Variants in HDAC4 observed in about 807,000 individuals in gnomAD.
The protein encoded by HDAC4 is histone deacetylase 4.
A neutral mutation model predicts 135.1 loss-of-function variants in HDAC4; 16 were observed. The observed-to-expected ratio is 0.12, with a 90% CI of 0.08 to 0.18. The LOEUF (loss-of-function observed/expected upper bound fraction) is 0.18. Ranked by LOEUF, HDAC4 falls within the 10% of genes least tolerant of loss-of-function variation. The pLI is 1.00. For missense variants in HDAC4, 1,143 were observed against 1,511.8 expected (o/e 0.76, Z 4.05); for synonymous variants, 685 against 653.4 (o/e 1.05, Z -0.74).
At chr2:239,088,695 T>A (rs1477701294) in intron 18 of HDAC4, among the ~76,000 whole-genome samples, 1 of 152,088 alleles carries the variant, frequency 6.6e-6, no homozygotes, top group Non-Finnish European at 1.5e-5. Flanking sequence ...TTTTAGTAGA[T>A]CTCCGCCCTC....
At position 239,262,419 on chromosome 2, in the gene HDAC4, TA is replaced by T. The variant is rs550062496; in HGVS notation, c.23-25756del. On this transcript the variant is annotated intron_variant, in intron 2 of 26. Coordinates refer to ENST00000543185, the MANE Select transcript of HDAC4 (RefSeq NM_001378414.1). This position sits in a 1 kb window ranked among gnomAD's most constrained non-coding sequence, Gnocchi z 4.1. ...TTTAAAAATAATTAGGAGGAAGAGA[TA>T]AAAGAGAAGCTTTTGTGAAAGCAGA... Among the ~76,000 whole-genome samples, 12 of 152,332 alleles carry T rather than the reference TA, an allele frequency of 7.9e-5. No individual in the cohort carries two copies. In the South Asian group the frequency reaches 2.3e-3, roughly 29 times the overall value.
rs4852024 is a variant in HDAC4, at chr2:239,134,089, G to A, written c.1294+156C>T. Among the ~76,000 whole-genome samples, 1,428 of 152,242 alleles carry A rather than the reference G, an allele frequency of 9.4e-3. 77 individuals are homozygous for A. The highest frequency in any genetic ancestry group is 0.076 in the Admixed American group (1,161 of 15,298). Reference sequence around the variant, plus strand: ...AGGCATGGATTTTCACTGCAGTCACGGTGGCTACATCACGTGATGGGGATG... The same window carrying A: ...AGGCATGGATTTTCACTGCAGTCACAGTGGCTACATCACGTGATGGGGATG... On this transcript the variant is annotated intron_variant, in intron 11 of 26. Coordinates refer to ENST00000543185, the MANE Select transcript of HDAC4 (RefSeq NM_001378414.1).
chr2:239,205,276 G>C (rs2045977334), intron 3 of HDAC4, among the ~76,000 whole-genome samples: 1 of 152,192 alleles, frequency 6.6e-6, no homozygotes, highest in Non-Finnish European at 1.5e-5. Flanking sequence ...GCACAACGAT[G>C]CATGAAAAAG....
intron 22 of HDAC4, among the ~76,000 whole-genome samples, chr2:239,073,520 CTG>C (rs1303885253): frequency 6.6e-6 from 1 of 152,272 alleles, no homozygotes. Flanking sequence ...TCTGATAACA[CTG>C]TGCCAAGAGC....
chr2:239,101,408 G>A (rs756096473), intron 16 of HDAC4, among the ~76,000 whole-genome samples: 2 of 152,214 alleles, frequency 1.3e-5, no homozygotes, highest in Admixed American at 6.5e-5. Flanking sequence ...AGGACTAGGA[G>A]TGCAGGTCTC....
At chr2:239,296,874 T>G (rs887922890) in intron 2 of HDAC4, among the ~76,000 whole-genome samples, 4 of 152,036 alleles carry the variant, frequency 2.6e-5, no homozygotes, top group African/African-American at 9.7e-5. Context: ...CTGTCAAAAG[T>G]GGACAGTCCT....
intron 3 of HDAC4, among the ~76,000 whole-genome samples, chr2:239,234,884 A>G (rs2047792439): frequency 6.6e-6 from 1 of 152,156 alleles, no homozygotes; most frequent in African/African-American, 2.4e-5. Flanking sequence ...CAGCCCATCA[A>G]GCTATCAGAA....
At chr2:239,134,722 G>C in intron 9 of HDAC4, 79 bp from the exon 10 acceptor site, 1 of 991,546 alleles carries the variant, frequency 1.0e-6, no homozygotes. Flanking sequence ...AAACAACGAT[G>C]AAAACACCTG....
At chr2:239,324,508 CT>C (rs2053412444) in intron 2 of HDAC4, among the ~76,000 whole-genome samples, 1 of 152,236 alleles carries the variant, frequency 6.6e-6, no homozygotes, top group African/African-American at 2.4e-5. Flanking sequence ...GCCAAAGTGC[CT>C]GCGTGGCATG....
At chr2:239,242,339 TGAACATGG>T (rs2048235856) in intron 2 of HDAC4, among the ~76,000 whole-genome samples, 1 of 152,222 alleles carries the variant, frequency 6.6e-6, no homozygotes, top group African/African-American at 2.4e-5. Flanking sequence ...TTTCAATCCA[TGAACATGG>T]GCTATTACCT....
chr2:239,105,533 C>T (rs75400845), intron 15 of HDAC4, among the ~76,000 whole-genome samples: 19 of 152,328 alleles, frequency 1.2e-4, no homozygotes, highest in East Asian at 9.6e-4. Context: ...CTGCCAGTAT[C>T]GACAGGGTCC....
intron 3 of HDAC4, among the ~76,000 whole-genome samples, chr2:239,206,356 T>C (rs2153085628): frequency 6.6e-6 from 1 of 151,960 alleles, no homozygotes; most frequent in Non-Finnish European, 1.5e-5. Flanking sequence ...TAAATAAATG[T>C]TTTAAAATAC....
chr2:239,273,290 G>GC (rs751938691), intron 2 of HDAC4, among the ~76,000 whole-genome samples: 4 of 152,232 alleles, frequency 2.6e-5, no homozygotes, highest in South Asian at 4.1e-4. Context: ...AGTAACAGCA[G>GC]CAAAGGCCTA....
At chr2:239,254,922 T>G (rs2048973915) in intron 2 of HDAC4, among the ~76,000 whole-genome samples, 1 of 152,206 alleles carries the variant, frequency 6.6e-6, no homozygotes, top group Admixed American at 6.5e-5. Context: ...CTAAGAACAT[T>G]GAATTGAGAG....
At chr2:239,083,323 C>A (rs2035539894) in intron 20 of HDAC4, among the ~76,000 whole-genome samples, 1 of 152,238 alleles carries the variant, frequency 6.6e-6, no homozygotes, top group Non-Finnish European at 1.5e-5. Flanking sequence ...TTAGGAGGAG[C>A]TGAGGGAGGG....
At chr2:239,090,201 C>G in intron 17 of HDAC4, 85 bp from the exon 18 acceptor site, 1 of 954,346 alleles carries the variant, frequency 1.0e-6, no homozygotes, top group Non-Finnish European at 1.7e-6. Flanking sequence ...GCTCAGGTTC[C>G]GTGGGCTCTG....
At chr2:239,062,078 G>A (rs752267898) in intron 24 of HDAC4, among the ~76,000 whole-genome samples, 1 of 151,604 alleles carries the variant, frequency 6.6e-6, no homozygotes, top group Non-Finnish European at 1.5e-5. Flanking sequence ...ACGACTCCAC[G>A]GCCCATCTAC....
intron 1 of HDAC4, among the ~76,000 whole-genome samples, chr2:239,391,357 C>T (rs150609136): frequency 6.6e-6 from 1 of 152,310 alleles, no homozygotes; most frequent in East Asian, 1.9e-4. Flanking sequence ...TTCGGGGAGA[C>T]GTCCACCACA....
intron 23 of HDAC4, 91 bp from the exon 24 acceptor site, chr2:239,066,946 C>G: frequency 5.4e-6 from 8 of 1,489,638 alleles, no homozygotes; most frequent in Non-Finnish European, 7.3e-6. Flanking sequence ...CGTAAGAAGA[C>G]TGGGGGCTGG....
Sources: gnomAD v4.1 joint callset for allele counts (sites outside exome capture counted in the v4.1 genomes callset) on GRCh38, gnomAD v4.1.1 for gene constraint, Gnocchi (gnomAD v3.1) non-coding constraint, MANE v1.5 for transcripts, NCBI Gene and HGNC (gene_info 2026-07-23, HGNC 2026-07-21) for gene names.